Variants in CBL observed in about 807,000 individuals in gnomAD.
The protein encoded by CBL is E3 ubiquitin-protein ligase CBL.
A neutral mutation model predicts 96.9 loss-of-function variants in CBL; 45 were observed. The observed-to-expected ratio is 0.46, with a 90% CI of 0.37 to 0.60. CBL has a LOEUF of 0.60. Ranked by LOEUF, CBL falls within the 20% of genes least tolerant of loss-of-function variation. CBL has a pLI of 0.00. For synonymous variants in CBL, 420 were observed against 426.8 expected (o/e 0.98, Z 0.20); for missense variants, 1,024 against 1,143.5 (o/e 0.90, Z 1.51).
intron 2 of CBL, among the ~76,000 whole-genome samples, chr11:119,246,591 A>G (rs1398916017): frequency 6.6e-6 from 1 of 152,150 alleles, no homozygotes; most frequent in Non-Finnish European, 1.5e-5. Context: ...AGCTGGGACT[A>G]CAGACGTGTG....
Position 119,298,025 on chromosome 11 carries a change from A to G in CBL, c.2252-333A>G, listed in dbSNP as rs1467491345. Reference sequence around the variant, plus strand: ...TTGAAAGTTCAAGAAGCCTGCTCTCACAGGATCCTTTGCTGATCTTCCAAG... The same window carrying G: ...TTGAAAGTTCAAGAAGCCTGCTCTCGCAGGATCCTTTGCTGATCTTCCAAG... On this transcript the variant is annotated intron_variant, in intron 14 of 15. Transcript: ENST00000264033. Among the ~76,000 whole-genome samples, 3 of 152,290 alleles carry G rather than the reference A, an allele frequency of 2.0e-5. No homozygotes were observed. In the East Asian group the frequency reaches 5.8e-4, roughly 29 times the overall value.
chr11:119,275,948 C>A, intron 5 of CBL, 49 bp from the exon 6 acceptor site: 1 of 1,582,714 alleles, frequency 6.3e-7, no homozygotes, highest in Non-Finnish European at 8.7e-7. Context: ...TGCCTTCCAC[C>A]GTAATACCAG....
At position 119,300,143 on chromosome 11, in the gene CBL, C is replaced by CGTGG; in HGVS notation, c.*365_*366insGGTG. 4.1e-6 allele frequency: 2 copies of CGTGG among 491,662 alleles called. No homozygotes were observed. Among genetic ancestry groups the CGTGG allele is most frequent in the Non-Finnish European group, 7.2e-6 (2 of 277,342 alleles). The allele number at this position is 491,662 out of a possible 1,614,324, so 30.5% of individuals were successfully genotyped here. ...AGACTTCCTGGGTTAAGGATGTGGCCGTGTGTGTGTGTGTCTGCCTGTGGT... is the reference window on the plus strand; with the variant it reads ...AGACTTCCTGGGTTAAGGATGTGGCCGTGGGTGTGTGTGTGTGTCTGCCTGTGGT... On this transcript the variant is annotated 3_prime_UTR_variant, in exon 16 of 16. Transcript: ENST00000264033.
At chr11:119,293,954 A>G (rs1225375107) in intron 12 of CBL, among the ~76,000 whole-genome samples, 1 of 152,204 alleles carries the variant, frequency 6.6e-6, no homozygotes, top group African/African-American at 2.4e-5. Flanking sequence ...CGCCTAGTTC[A>G]AAACCCCTAA....
Position 119,306,189 on chromosome 11 carries a change from C to G in CBL, c.*6408C>G. 1 of 398,362 alleles carries G rather than the reference C, an allele frequency of 2.5e-6. No homozygotes were observed. The allele number at this position is 398,362 out of a possible 1,614,324, so 24.7% of individuals were successfully genotyped here. ...TGGGGAGCACGGGTGGAAGGGCCGG[C>G]TGTTGACAGACAGACTAAGCTGTGT... On this transcript the variant is annotated 3_prime_UTR_variant, in exon 16 of 16. Transcript: ENST00000264033.
At chr11:119,251,865 A>C (rs957000103) in intron 2 of CBL, among the ~76,000 whole-genome samples, 3 of 152,220 alleles carry the variant, frequency 2.0e-5, no homozygotes, top group Admixed American at 6.5e-5. Flanking sequence ...TAAAACCATA[A>C]TACTTGTGAA....
At chr11:119,255,645 C>T (rs1340811445) in intron 2 of CBL, among the ~76,000 whole-genome samples, 2 of 151,944 alleles carry the variant, frequency 1.3e-5, no homozygotes, top group East Asian at 1.9e-4. Context: ...TTTTCATGGT[C>T]TTTGTCTCAT....
Position 119,287,942 on chromosome 11 carries a change from G to A in CBL, c.2032G>A (p.Ala678Thr). The change falls in exon 12 of 16, where the codon GCC becomes ACC. Residue 678 changes from alanine to threonine, a missense_variant. Physicochemically the swap from Ala to Thr is moderately conservative, Grantham distance 58. This residue lies in a region of CBL where 695 missense variants were observed against 661.6 expected (regional missense o/e 1.05). Transcript: ENST00000264033. The part of the protein sequence containing the change: ...SSANAIYSLA[A>T]RPLPVPKLPP... ...TGCCAATGCCATTTATTCTCTGGCT[G>A]CCAGGTAAGTCTGCTAAAGCTATAT... is the stretch of plus-strand genomic sequence containing the variant. 1 of 1,609,500 alleles carries A rather than the reference G, an allele frequency of 6.2e-7. No homozygotes were observed. Among genetic ancestry groups the A allele is most frequent in the South Asian group, 1.1e-5 (1 of 90,994 alleles).
intron 2 of CBL, among the ~76,000 whole-genome samples, chr11:119,239,006 G>A (rs1464965597): frequency 6.6e-6 from 1 of 152,030 alleles, no homozygotes; most frequent in Non-Finnish European, 1.5e-5. Flanking sequence ...TCACTCTGTT[G>A]TTGCCCAGGC....
At chr11:119,236,972 T>TA (rs1416346160) in intron 2 of CBL, among the ~76,000 whole-genome samples, 1 of 152,194 alleles carries the variant, frequency 6.6e-6, no homozygotes, top group African/African-American at 2.4e-5. Context: ...AAATAATTCA[T>TA]AAATTTTGAA....
At chr11:119,277,270 C>CACACACACAT (rs993033451) in intron 6 of CBL, among the ~76,000 whole-genome samples, 4 of 151,578 alleles carry the variant, frequency 2.6e-5, no homozygotes, top group Admixed American at 6.6e-5. Context: ...CACACACACA[C>CACACACACAT]ATAAAGAATT....
Position 119,225,724 on chromosome 11 carries a change from C to CTTTT in CBL, c.196-6707_196-6704dup, listed in dbSNP as rs57084908. The stretch of plus-strand genomic sequence containing the variant: ...CGTATCCAGCCAATATAAATATTTT[C>CTTTT]TTTTTTTTTTTTTTTTTTTTGAGAC... On this transcript the variant is annotated intron_variant, in intron 1 of 15. Transcript: ENST00000264033. Among the ~76,000 whole-genome samples the CTTTT allele has an allele frequency of 7.3e-3, 751 of 102,384 alleles. 23 individuals are homozygous for CTTTT. The highest frequency in any genetic ancestry group is 0.025 in the East Asian group (83 of 3,324). The allele number at this position is 102,384 out of a possible 152,430, so 67.2% of individuals were successfully genotyped here.
chr11:119,260,230 TTTTTTTC>T (rs1949744177), intron 2 of CBL, among the ~76,000 whole-genome samples: 1 of 152,028 alleles, frequency 6.6e-6, no homozygotes, highest in South Asian at 2.1e-4. Flanking sequence ...CTTCTTTTTT[TTTTTTTC>T]TTTTTCTTTT....
chr11:119,267,293 GCT>G (rs1949810132), intron 2 of CBL, among the ~76,000 whole-genome samples: 1 of 152,156 alleles, frequency 6.6e-6, no homozygotes, highest in Admixed American at 6.5e-5. Flanking sequence ...ACTTTGAACT[GCT>G]CTTAGGTACC....
Position 119,278,301 on chromosome 11 carries a change from C to T in CBL, c.1227+4C>T, listed in dbSNP as rs201747825. 989 of 1,613,818 alleles carry T rather than the reference C, an allele frequency of 6.1e-4. 4 individuals carry two copies. The Middle Eastern group carries it at 0.016, about 26-fold the overall frequency. ...ATCCTGTCTTACATCCTGGCAGGTA[C>T]GGATCTAAACAGCGACTTTTTTCAG... is the stretch of plus-strand genomic sequence containing the variant. On this transcript the variant is annotated splice_donor_region_variant and intron_variant, in intron 8 of 15. Transcript: ENST00000264033.
chr11:119,270,533 G>A (rs1470957059), intron 2 of CBL, among the ~76,000 whole-genome samples: 103 of 129,906 alleles, frequency 7.9e-4, no homozygotes, highest in African/African-American at 2.6e-3. Context: ...TGCAAGCTCC[G>A]CCTCCCGGGT....
At chr11:119,296,880 G>T (rs762551559) in intron 12 of CBL, 38 bp from the exon 13 acceptor site, 1 of 1,036,920 alleles carries the variant, frequency 9.6e-7, no homozygotes, top group East Asian at 2.4e-5. Context: ...TTACTGGTTT[G>T]TTACTTCTTT....
chr11:119,226,896 C>T (rs1949463783), intron 1 of CBL, among the ~76,000 whole-genome samples: 1 of 152,174 alleles, frequency 6.6e-6, no homozygotes, highest in South Asian at 2.1e-4. Flanking sequence ...TGGTGACTTC[C>T]TTACCTGTTC....
intron 2 of CBL, among the ~76,000 whole-genome samples, chr11:119,252,418 A>T (rs557709342): frequency 6.6e-6 from 1 of 152,228 alleles, no homozygotes; most frequent in South Asian, 2.1e-4. Flanking sequence ...CTTTTACTTC[A>T]TTGAGTATGA....
Sources: gnomAD v4.1 joint callset for allele counts (sites outside exome capture counted in the v4.1 genomes callset) on GRCh38, gnomAD v4.1.1 for gene constraint, gnomAD v4.1.1 regional missense constraint, MANE v1.5 for transcripts, NCBI Gene and HGNC (gene_info 2026-07-23, HGNC 2026-07-21) for gene names.